The following DENND2B variants were observed in gnomAD, a reference collection of about 807,000 sequenced individuals.
The protein encoded by DENND2B is DENN domain-containing protein 2B.
Under a neutral mutation model 116.0 loss-of-function variants are expected in DENND2B, and 32 were observed. The ratio of observed to expected loss-of-function variants is 0.28; its 90% CI spans 0.21 to 0.37. The LOEUF (loss-of-function observed/expected upper bound fraction) is 0.37, where lower values mean the gene tolerates loss of function less well. DENND2B is among the 10% of genes least tolerant of loss of function. DENND2B has a pLI of 1.00. For synonymous variants in DENND2B, 588 were observed against 583.9 expected (o/e 1.01, Z -0.10); for missense variants, 1,276 against 1,477.7 (o/e 0.86, Z 2.24).
intron 1 of DENND2B, among the ~76,000 whole-genome samples, chr11:8,782,746 G>C (rs2058497794): frequency 6.6e-6 from 1 of 151,812 alleles, no homozygotes; most frequent in African/African-American, 2.4e-5. Flanking sequence ...AATTAGGCGG[G>C]CGTGGGGGTG....
At chr11:8,873,848 C>T (rs1380498865), upstream of DENND2B, among the ~76,000 whole-genome samples, 1 of 152,152 alleles carries the variant, frequency 6.6e-6, no homozygotes, top group Non-Finnish European at 1.5e-5. Context: ...TTATAAACAA[C>T]AGAATGAAAT....
At chr11:8,807,174 T>G (rs2060941034) in intron 1 of DENND2B, among the ~76,000 whole-genome samples, 1 of 152,196 alleles carries the variant, frequency 6.6e-6, no homozygotes, top group African/African-American at 2.4e-5. Context: ...CCGACTCTCT[T>G]AGGCCCAACG....
At chr11:8,882,001 T>C (rs2134728884) in intron 1 of DENND2B, among the ~76,000 whole-genome samples, 1 of 106,346 alleles carries the variant, frequency 9.4e-6, no homozygotes, top group African/African-American at 3.7e-5. Flanking sequence ...TTTAATTGGA[T>C]TTTTTTTTCT....
chr11:8,902,379 T>C (rs150492405), intron 1 of DENND2B, among the ~76,000 whole-genome samples: 140 of 152,180 alleles, frequency 9.2e-4, no homozygotes, highest in African/African-American at 2.8e-3. Context: ...CACTGTTGAA[T>C]TGTCTATTTC....
chr11:8,730,796 C>T lies in DENND2B; in HGVS notation c.494G>A (p.Arg165Gln), dbSNP rs749592225. 4.3e-6 allele frequency: 7 copies of T among 1,612,978 alleles called. No homozygotes were observed. Among genetic ancestry groups the T allele is most frequent in the Middle Eastern group, 1.6e-4 (1 of 6,082 alleles). ...TGTRAHSLGI[R>Q]EKISAWEGRR... Reference sequence around the variant, plus strand: ...ACCTTCCCATGCTGATATCTTCTCCCGGATGCCCAGGCTGTGGGCGCGGGT... The same window carrying T: ...ACCTTCCCATGCTGATATCTTCTCCTGGATGCCCAGGCTGTGGGCGCGGGT... Residue 165 changes from arginine (R) to glutamine (Q), a missense_variant, in exon 3 of 20, where the codon CGG becomes CAG. Around this residue, in one of 2 missense-constraint regions of DENND2B, gnomAD observed 856 missense variants for 846.6 expected, o/e 1.01. Coordinates refer to ENST00000313726, the MANE Select transcript of DENND2B (RefSeq NM_213618.2). The surrounding 1 kb of genome is among the most constrained non-coding windows in gnomAD (Gnocchi z 4.1).
chr11:8,836,279 T>C (rs559402857), intron 4 of DENND2B, among the ~76,000 whole-genome samples: 8 of 151,962 alleles, frequency 5.3e-5, no homozygotes, highest in Admixed American at 2.6e-4. Flanking sequence ...CCCAGAAATA[T>C]TCTACTTAGC....
In DENND2B at chr11:8,712,930, C is replaced by G. The variant is rs1299882943; in HGVS notation, c.1988-195G>C. Among the ~76,000 whole-genome samples the G allele has an allele frequency of 6.6e-6, 1 of 152,214 alleles. No homozygotes were observed. The highest frequency in any genetic ancestry group is 1.5e-5 in the Non-Finnish European group (1 of 68,042). ...CCTGCACAAAGACTCTGCCCTGACA[C>G]AGGAAGCTGCGGGCCTGGTCCTCCT... is the stretch of plus-strand genomic sequence containing the variant. On this transcript the variant is annotated intron_variant, in intron 8 of 19. Coordinates refer to ENST00000313726, the MANE Select transcript of DENND2B (RefSeq NM_213618.2). This position sits in a 1 kb window ranked among gnomAD's most constrained non-coding sequence, Gnocchi z 4.4.
chr11:8,695,498 T>A lies in DENND2B; in HGVS notation c.3344A>T (p.Glu1115Val). Residue 1115 changes from glutamate (E) to valine (V), a missense_variant, in exon 19 of 20, where the codon GAG (glutamate) becomes GTG (valine). Physicochemically the swap from Glu to Val is moderately radical, Grantham distance 121. Coordinates refer to ENST00000313726, the MANE Select transcript of DENND2B (RefSeq NM_213618.2). ...GAGAAACTTATTCATTCCACTCTGCTCAGTGTCTGGGAGTTCTTCTAAGTA... is the reference window on the plus strand; with the variant it reads ...GAGAAACTTATTCATTCCACTCTGCACAGTGTCTGGGAGTTCTTCTAAGTA... Reference protein sequence around the residue: ...EQYLEELPDTEQSGMNKFLRG... With the variant: ...EQYLEELPDTVQSGMNKFLRG... 1 of 1,613,994 alleles carries A rather than the reference T, an allele frequency of 6.2e-7. No homozygotes were observed. The highest frequency in any genetic ancestry group is 8.5e-7 in the Non-Finnish European group (1 of 1,180,028).
At chr11:8,728,735 C>T (rs1173477404) in intron 3 of DENND2B, among the ~76,000 whole-genome samples, 1 of 152,222 alleles carries the variant, frequency 6.6e-6, no homozygotes, top group East Asian at 1.9e-4. Flanking sequence ...GCCTCCTGCA[C>T]TGCCATGAGT....
At chr11:8,831,259 A>G (rs2062194068) in intron 4 of DENND2B, among the ~76,000 whole-genome samples, 1 of 152,114 alleles carries the variant, frequency 6.6e-6, no homozygotes, top group Admixed American at 6.6e-5. Context: ...AATGGGGAGG[A>G]TTGTCAGGAG....
In DENND2B at chr11:8,702,806, T is replaced by C. The variant is rs569916498; in HGVS notation, c.2572-86A>G. 399 of 1,533,600 alleles carry C rather than the reference T, an allele frequency of 2.6e-4. 1 individual carries two copies. The African/African-American group carries it at 4.9e-3, about 19-fold the overall frequency. 95.0% of individuals were successfully genotyped at this position (1,533,600 alleles called of 1,614,324 possible). On this transcript the variant is annotated intron_variant, in intron 13 of 19. Coordinates refer to ENST00000313726, the MANE Select transcript of DENND2B (RefSeq NM_213618.2). The surrounding 1 kb of genome is among the most constrained non-coding windows in gnomAD (Gnocchi z 4.6). The stretch of plus-strand genomic sequence containing the variant: ...CTCCACGAAGCAACTGGAGCTGCTT[T>C]CCCCTTCCAACCTGCTCTTTTCCAG...
chr11:8,713,974 G>C (rs370326571), intron 8 of DENND2B, 24 bp downstream of exon 8: 2 of 1,613,202 alleles, frequency 1.2e-6, no homozygotes, highest in African/African-American at 2.7e-5. Flanking sequence ...GAGAGCTTCC[G>C]TACTCATGGG....
intron 4 of DENND2B, among the ~76,000 whole-genome samples, chr11:8,724,604 T>C (rs1413055350): frequency 1.3e-5 from 2 of 152,222 alleles, no homozygotes; most frequent in East Asian, 3.8e-4. Context: ...GAGCATTCTA[T>C]CTTTCATCTG....
intron 16 of DENND2B, among the ~76,000 whole-genome samples, chr11:8,698,211 C>T (rs1241499401): frequency 1.3e-5 from 2 of 148,154 alleles, no homozygotes; most frequent in Admixed American, 6.8e-5. Context: ...GTGACCAGGA[C>T]CAGCCAGGGG....
chr11:8,905,890 CATT>C (rs2064229730), intron 1 of DENND2B, among the ~76,000 whole-genome samples: 1 of 151,768 alleles, frequency 6.6e-6, no homozygotes, highest in Non-Finnish European at 1.5e-5. Flanking sequence ...GCCTCAAAAA[CATT>C]ATGCTAATTA....
At chr11:8,763,910 C>T (rs2134131609) in intron 1 of DENND2B, among the ~76,000 whole-genome samples, 1 of 152,124 alleles carries the variant, frequency 6.6e-6, no homozygotes, top group East Asian at 1.9e-4. Context: ...ACACTGGATC[C>T]ACAGAGCAAA....
upstream of DENND2B, among the ~76,000 whole-genome samples, chr11:8,874,750 A>T (rs995890592): frequency 2.9e-4 from 43 of 150,010 alleles, 1 homozygote; most frequent in Middle Eastern, 3.4e-3. Flanking sequence ...GTGAGACCCC[A>T]GTCTTTAAAA....
intron 4 of DENND2B, among the ~76,000 whole-genome samples, chr11:8,819,461 GTATT>G (rs1320732069): frequency 1.3e-5 from 2 of 152,100 alleles, no homozygotes; most frequent in Non-Finnish European, 2.9e-5. Flanking sequence ...CTCTCCCAGA[GTATT>G]TATTAATTAC....
At chr11:8,778,616 A>ATCCC (rs937118692) in intron 1 of DENND2B, among the ~76,000 whole-genome samples, 2 of 152,198 alleles carry the variant, frequency 1.3e-5, no homozygotes, top group African/African-American at 2.4e-5. Flanking sequence ...CTGGTAAATG[A>ATCCC]TCCCTCCAGC....
Sources: allele counts gnomAD v4.1 joint callset (sites outside exome capture counted in the v4.1 genomes callset), GRCh38; gene constraint gnomAD v4.1.1; regional missense constraint gnomAD v4.1.1; non-coding constraint Gnocchi (gnomAD v3.1); transcripts MANE v1.5; gene names NCBI Gene and HGNC (gene_info 2026-07-23, HGNC 2026-07-21).